Variants in ARHGEF10 observed in about 807,000 individuals in gnomAD.
The protein encoded by ARHGEF10 is Rho guanine nucleotide exchange factor (GEF) 10.
A neutral mutation model predicts 147.4 loss-of-function variants in ARHGEF10; 140 were observed. The observed-to-expected ratio is 0.95, with a 90% confidence interval of 0.83 to 1.09. The LOEUF is 1.09. Among genes scored for constraint, ARHGEF10 ranks in the 50% least tolerant of loss-of-function variants. The pLI is 0.00. For synonymous variants in ARHGEF10, 902 were observed against 695.8 expected, an observed-to-expected ratio of 1.30 and a Z score of -4.67; for missense variants, 2,222 against 1,752.7, an observed-to-expected ratio of 1.27 and a Z score of -4.78.
intron 1 of ARHGEF10, among the ~76,000 whole-genome samples, chr8:1,836,344 G>A (rs1358488761): frequency 1.3e-5 from 2 of 152,130 alleles, no homozygotes; most frequent in African/African-American, 2.4e-5. Flanking sequence ...TTTTGAAAGC[G>A]GAGTCTTCTG....
chr8:1,842,293 G>C (rs77661028), intron 1 of ARHGEF10, among the ~76,000 whole-genome samples: 1,916 of 152,252 alleles, frequency 0.013, 45 homozygotes, highest in African/African-American at 0.044. Flanking sequence ...TCATTGGAAA[G>C]TAGTGTCTGT....
intron 28 of ARHGEF10, among the ~76,000 whole-genome samples, chr8:1,955,130 ACT>A (rs1815402359): frequency 9.1e-6 from 1 of 109,346 alleles, no homozygotes; most frequent in Non-Finnish European, 1.8e-5. Context: ...AAGGAGGTGC[ACT>A]CTCACTGTTC....
At chr8:1,866,481 G>C (rs371269591) in intron 5 of ARHGEF10, 45 bp from the exon 6 acceptor site, 1 of 1,584,450 alleles carries the variant, frequency 6.3e-7, no homozygotes, top group Non-Finnish European at 8.7e-7. Context: ...CTAGTGACTT[G>C]GGCTGTGCCT....
At chr8:1,826,596 G>T (rs1206014040) in intron 1 of ARHGEF10, among the ~76,000 whole-genome samples, 3 of 152,182 alleles carry the variant, frequency 2.0e-5, no homozygotes, top group Admixed American at 6.5e-5. Context: ...GCTAGAAGGC[G>T]TTGTATGGGG....
chr8:1,835,066 C>G (rs977717089), intron 1 of ARHGEF10, among the ~76,000 whole-genome samples: 5 of 152,264 alleles, frequency 3.3e-5, no homozygotes, highest in South Asian at 2.1e-4. Context: ...CTGATGGCCC[C>G]CGGCCCGTGT....
intron 2 of ARHGEF10, among the ~76,000 whole-genome samples, chr8:1,853,394 C>T (rs1462092310): frequency 6.6e-6 from 1 of 152,270 alleles, no homozygotes; most frequent in East Asian, 1.9e-4. Flanking sequence ...TGCAGATTCC[C>T]CAACAGCTTT....
At chr8:1,899,713 G>T (rs766915040) in intron 15 of ARHGEF10, among the ~76,000 whole-genome samples, 5 of 152,152 alleles carry the variant, frequency 3.3e-5, no homozygotes, top group Admixed American at 6.5e-5. Context: ...TTTTTCCCAA[G>T]ATCAAAATAT....
chr8:1,930,605 C>G (rs1275836267), intron 25 of ARHGEF10, among the ~76,000 whole-genome samples: 1 of 152,186 alleles, frequency 6.6e-6, no homozygotes, highest in Non-Finnish European at 1.5e-5. Context: ...CAACCACCCC[C>G]GTTCTCTCTG....
At chr8:1,925,524 G>C in intron 22 of ARHGEF10, 120 bp downstream of exon 22, 1 of 1,377,748 alleles carries the variant, frequency 7.3e-7, no homozygotes, top group South Asian at 1.3e-5. Flanking sequence ...GTTCACCACA[G>C]TGACCGCTTC....
chr8:1,881,855 G>A lies in ARHGEF10; in HGVS notation c.961-780G>A, dbSNP rs140791979. ...GAGAGGTCCCTGGGATGGGGACATC[G>A]GTTGTCCCATAAGAGATCATCTTTT... On this transcript the variant is annotated intron_variant, in intron 9 of 28. Transcript: ENST00000349830. Among the ~76,000 whole-genome samples the A allele has an allele frequency of 7.2e-5, 11 of 152,282 alleles. No individual in the cohort carries two copies. The East Asian group carries it at 1.9e-3, about 27-fold the overall frequency.
chr8:1,924,852 C>T (rs1365998589), intron 21 of ARHGEF10, among the ~76,000 whole-genome samples: 1 of 152,158 alleles, frequency 6.6e-6, no homozygotes, highest in African/African-American at 2.4e-5. Context: ...AAATATTTCT[C>T]CATTTTGTTG....
At chr8:1,827,673 T>C (rs1457096834) in intron 1 of ARHGEF10, among the ~76,000 whole-genome samples, 65 of 152,312 alleles carry the variant, frequency 4.3e-4, no homozygotes, top group East Asian at 5.8e-4. Context: ...TGCTTTTTGT[T>C]GTATCATTAG....
chr8:1,947,345 A>G (rs935890802), intron 27 of ARHGEF10, among the ~76,000 whole-genome samples: 3 of 152,138 alleles, frequency 2.0e-5, no homozygotes, highest in Non-Finnish European at 4.4e-5. Flanking sequence ...GAAGCAGCCC[A>G]CGGTTACCCT....
At chr8:1,825,427 GCACCTCACCTGTCCCCCTA>G in intron 1 of ARHGEF10, among the ~76,000 whole-genome samples, 1 of 78,888 alleles carries the variant, frequency 1.3e-5, no homozygotes, top group Non-Finnish European at 2.5e-5. Context: ...CCTGTCCTCT[GCACCTCACCTGTCCCCCTA>G]CACCTCACCT....
intron 7 of ARHGEF10, chr8:1,870,195 T>G (rs1403895619): frequency 2.0e-5 from 3 of 150,614 alleles, no homozygotes; most frequent in Non-Finnish European, 4.4e-5. Context: ...TCTGAAGTTC[T>G]GAAGTCGGCA....
intron 6 of ARHGEF10, among the ~76,000 whole-genome samples, chr8:1,868,173 G>C (rs1266768882): frequency 6.6e-6 from 1 of 152,202 alleles, no homozygotes; most frequent in Non-Finnish European, 1.5e-5. Context: ...AAAAGAAAGA[G>C]CGTCTGTAAT....
intron 2 of ARHGEF10, among the ~76,000 whole-genome samples, chr8:1,848,416 C>T (rs749714615): frequency 3.9e-5 from 6 of 152,168 alleles, no homozygotes; most frequent in Non-Finnish European, 8.8e-5. Flanking sequence ...CTCTAATCCA[C>T]GACTCTGTAC....
intron 9 of ARHGEF10, among the ~76,000 whole-genome samples, chr8:1,881,561 G>A (rs2129123862): frequency 6.6e-6 from 1 of 152,304 alleles, no homozygotes; most frequent in East Asian, 1.9e-4. Context: ...AGGAGCAGGG[G>A]AGCCCCCGGG....
At chr8:1,837,675 G>A (rs963402667) in intron 1 of ARHGEF10, among the ~76,000 whole-genome samples, 13 of 152,278 alleles carry the variant, frequency 8.5e-5, no homozygotes, top group African/African-American at 3.1e-4. Context: ...GGCGGGAAGG[G>A]GGAAGAGTGT....
Sources: allele counts gnomAD v4.1 joint callset (sites outside exome capture counted in the v4.1 genomes callset), GRCh38; gene constraint gnomAD v4.1.1; transcripts MANE v1.5; gene names NCBI Gene and HGNC (gene_info 2026-07-23, HGNC 2026-07-21).